Variants in RPS6KC1 observed in about 807,000 individuals in gnomAD.
The protein encoded by RPS6KC1 is ribosomal protein S6 kinase C1, also known as inactive ribosomal protein S6 kinase delta-1.
RPS6KC1 carries 54 observed loss-of-function variants against 103.8 expected under a neutral mutation model. The observed-to-expected ratio is 0.52, with a 90% CI of 0.42 to 0.65. The LOEUF (loss-of-function observed/expected upper bound fraction) is 0.65. RPS6KC1 is among the 30% of genes least tolerant of loss of function. RPS6KC1 has a pLI of 0.00. For synonymous variants in RPS6KC1, 439 were observed against 438.7 expected (o/e 1.00, Z -0.01); for missense variants, 1,151 against 1,253.8 (o/e 0.92, Z 1.24).
In RPS6KC1 at chr1:213,241,964, G is replaced by C; in HGVS notation, c.2488G>C (p.Glu830Gln). The C allele has an allele frequency of 3.1e-6, 5 of 1,613,966 alleles. No individual in the cohort carries two copies. Among genetic ancestry groups the C allele is most frequent in the Non-Finnish European group, 4.2e-6 (5 of 1,179,932 alleles). The change falls in exon 11 of 15, where the codon GAA becomes CAA. Residue 830 changes from glutamate (E) to glutamine (Q), a missense_variant. By Grantham distance (29) the Glu-to-Gln change is conservative (BLOSUM62 2). Around this residue, in one of 3 missense-constraint regions of RPS6KC1, gnomAD observed 959 missense variants for 1,006.3 expected, o/e 0.95. Transcript: ENST00000366960. Reference sequence around the variant, plus strand: ...TTGTAGTCCACTCTCAGGTGCTAATGAATATATTGCAAGCACAGACACTTT... The same window carrying C: ...TTGTAGTCCACTCTCAGGTGCTAATCAATATATTGCAAGCACAGACACTTT... ...RICSPLSGAN[E>Q]YIASTDTLKT...
chr1:213,602,054 T>A, the RPS6KC1 span, among the ~76,000 whole-genome samples: 1 of 57,648 alleles, frequency 1.7e-5, no homozygotes, highest in African/African-American at 6.9e-5. Flanking sequence ...CTTTCTTTCT[T>A]TCTCTTTCTT....
the RPS6KC1 span, among the ~76,000 whole-genome samples, chr1:213,633,989 T>A: frequency 6.8e-6 from 1 of 146,770 alleles, no homozygotes; most frequent in Non-Finnish European, 1.5e-5. Flanking sequence ...AGAAGGCCAT[T>A]ACATAATGGT....
At chr1:213,073,032 T>A in intron 2 of RPS6KC1, 1 of 376,506 alleles carries the variant, frequency 2.7e-6, no homozygotes, top group African/African-American at 2.2e-5. Context: ...TTGTTAGAAG[T>A]GGTATAAATT....
chr1:213,505,167 T>C, the RPS6KC1 span, among the ~76,000 whole-genome samples: 1 of 152,194 alleles, frequency 6.6e-6, no homozygotes, highest in African/African-American at 2.4e-5. Flanking sequence ...CTATGTTCCA[T>C]GAATGCACCT....
the RPS6KC1 span, among the ~76,000 whole-genome samples, chr1:213,650,572 C>G: frequency 2.5e-3 from 376 of 152,266 alleles, 2 homozygotes; most frequent in African/African-American, 8.7e-3. Flanking sequence ...ATCCGGGCCC[C>G]CTCTGCCAAG....
intron 6 of RPS6KC1, among the ~76,000 whole-genome samples, chr1:213,137,632 C>G (rs1481807280): frequency 6.6e-6 from 1 of 151,492 alleles, no homozygotes; most frequent in Non-Finnish European, 1.5e-5. Flanking sequence ...CGTGCCTTGC[C>G]AAAGCCTGTC....
chr1:213,805,079 A>T, the RPS6KC1 span, among the ~76,000 whole-genome samples: 7 of 152,372 alleles, frequency 4.6e-5, no homozygotes, highest in African/African-American at 7.2e-5. Context: ...TTAATTTAAA[A>T]TATTTTCTTG....
At chr1:213,405,220 A>G in the RPS6KC1 span, among the ~76,000 whole-genome samples, 1 of 152,224 alleles carries the variant, frequency 6.6e-6, no homozygotes, top group Non-Finnish European at 1.5e-5. Flanking sequence ...CTAGAACCTC[A>G]GGCCCGGTTG....
At chr1:213,093,238 T>C (rs2081149586) in intron 3 of RPS6KC1, among the ~76,000 whole-genome samples, 1 of 149,022 alleles carries the variant, frequency 6.7e-6, no homozygotes, top group South Asian at 2.1e-4. Flanking sequence ...TGAGGCGGAG[T>C]CTCGCTCTGT....
chr1:213,426,369 A>T, the RPS6KC1 span, among the ~76,000 whole-genome samples: 16 of 152,078 alleles, frequency 1.1e-4, no homozygotes, highest in African/African-American at 3.6e-4. Context: ...GGGCCACCTC[A>T]TGCCCTCGGG....
chr1:213,384,324 A>G, the RPS6KC1 span, among the ~76,000 whole-genome samples: 1 of 152,038 alleles, frequency 6.6e-6, no homozygotes, highest in Non-Finnish European at 1.5e-5. Flanking sequence ...TGTTTGGCAC[A>G]TAGTAAAGAA....
Position 213,244,139 on chromosome 1 carries a change from A to G in RPS6KC1, c.2911+1481A>G, listed in dbSNP as rs539869540. ...TAATGTGATGTTATGTTTTGAAATCATGTTAGTAAATAGGATAAAAAATTG... is the reference window on the plus strand; with the variant it reads ...TAATGTGATGTTATGTTTTGAAATCGTGTTAGTAAATAGGATAAAAAATTG... On this transcript the variant is annotated intron_variant, in intron 12 of 14. Transcript: ENST00000366960. Among the ~76,000 whole-genome samples, 3 of 151,696 alleles carry G rather than the reference A, an allele frequency of 2.0e-5. No individual in the cohort carries two copies. In the East Asian group the frequency reaches 5.8e-4, roughly 29 times the overall value.
At chr1:213,143,084 T>C (rs965357985) in intron 6 of RPS6KC1, among the ~76,000 whole-genome samples, 82 of 152,112 alleles carry the variant, frequency 5.4e-4, no homozygotes, top group African/African-American at 1.9e-3. Context: ...CTCTAGAATA[T>C]AGGGTCATTC....
chr1:213,262,646 C>G (rs1353598721), intron 13 of RPS6KC1, 75 bp from the exon 14 acceptor site: 2 of 942,812 alleles, frequency 2.1e-6, no homozygotes, highest in African/African-American at 3.2e-5. Flanking sequence ...TCTGTACTTG[C>G]TGTCCATAAA....
the RPS6KC1 span, among the ~76,000 whole-genome samples, chr1:213,332,581 G>A: frequency 6.6e-6 from 1 of 152,190 alleles, no homozygotes; most frequent in Non-Finnish European, 1.5e-5. Flanking sequence ...AGTTAATTCG[G>A]TGTGGGCCAG....
At chr1:213,535,532 CT>C in the RPS6KC1 span, among the ~76,000 whole-genome samples, 1 of 152,180 alleles carries the variant, frequency 6.6e-6, no homozygotes, top group African/African-American at 2.4e-5. Flanking sequence ...AGTGCAGTAT[CT>C]CTGCAGATTA....
At chr1:213,841,416 C>T in the RPS6KC1 span, 1 of 152,182 alleles carries the variant, frequency 6.6e-6, no homozygotes, top group African/African-American at 2.4e-5. Flanking sequence ...ATCTAGGGAC[C>T]TGCTATGAGA....
chr1:213,321,620 A>G, the RPS6KC1 span, among the ~76,000 whole-genome samples: 8 of 152,224 alleles, frequency 5.3e-5, no homozygotes, highest in South Asian at 1.0e-3. Context: ...CACTGATTTG[A>G]TGCTGCTGAT....
chr1:213,298,334 G>A, the RPS6KC1 span, among the ~76,000 whole-genome samples: 1 of 152,176 alleles, frequency 6.6e-6, no homozygotes, highest in Admixed American at 6.5e-5. Flanking sequence ...GAATTTTAAA[G>A]GCAATTATCT....
Sources: gnomAD v4.1 joint callset for allele counts (sites outside exome capture counted in the v4.1 genomes callset) on GRCh38, gnomAD v4.1.1 for gene constraint, gnomAD v4.1.1 regional missense constraint, MANE v1.5 for transcripts, NCBI Gene and HGNC (gene_info 2026-07-23, HGNC 2026-07-21) for gene names.